The following SUSD3 variants were observed in gnomAD, a reference collection of about 807,000 sequenced individuals.
SUSD3 encodes sushi domain-containing protein 3.
SUSD3 carries 18 observed loss-of-function variants against 20.6 expected under a neutral mutation model. The ratio of observed to expected loss-of-function variants is 0.87; its 90% CI spans 0.60 to 1.30. The LOEUF (loss-of-function observed/expected upper bound fraction) is 1.30, where lower values mean the gene tolerates loss of function less well. Ranked by LOEUF, SUSD3 falls within the 50% of genes most tolerant of loss-of-function variation. SUSD3 has a pLI of 0.00. For missense variants in SUSD3, 306 were observed against 346.9 expected, an observed-to-expected ratio of 0.88 and a Z score of 0.94; for synonymous variants, 137 against 141.5, an observed-to-expected ratio of 0.97 and a Z score of 0.23.
intron 1 of SUSD3, among the ~76,000 whole-genome samples, chr9:93,068,515 T>C (rs1485172595): frequency 2.0e-5 from 3 of 152,256 alleles, no homozygotes; most frequent in African/African-American, 7.2e-5. Context: ...TCAGTTCTAT[T>C]CTGTTGGCCT....
rs1229789043 is a variant in SUSD3, at chr9:93,066,701, A to G, written c.88+7871A>G. ...GATATGTGCTACCATCACTCCAGTC[A>G]ATTTTATTTTATTTTATTTTATTTT... is the stretch of plus-strand genomic sequence containing the variant. On this transcript the variant is annotated intron_variant, in intron 1 of 4. Transcript: ENST00000375472. 2.1e-5 allele frequency among the ~76,000 whole-genome samples: 3 copies of G among 143,170 alleles called. No homozygotes were observed. In the East Asian group the frequency reaches 5.8e-4, roughly 28 times the overall value. 93.9% of individuals were successfully genotyped at this position (143,170 alleles called of 152,430 possible).
chr9:93,080,732 G>A (rs953212522), intron 4 of SUSD3, among the ~76,000 whole-genome samples: 1 of 152,244 alleles, frequency 6.6e-6, no homozygotes, highest in Non-Finnish European at 1.5e-5. Flanking sequence ...AGCGGCCTCT[G>A]ACTTGTGGTC....
intron 1 of SUSD3, 124 bp downstream of exon 1, chr9:93,058,954 C>G (rs1017420585): frequency 7.8e-5 from 41 of 524,304 alleles, no homozygotes; most frequent in Non-Finnish European, 1.0e-4. Flanking sequence ...CGATCTGCCC[C>G]GAGGACGAAC....
intron 4 of SUSD3, 149 bp downstream of exon 4, chr9:93,079,751 A>G (rs1826334370): frequency 1.3e-6 from 1 of 790,776 alleles, no homozygotes. Flanking sequence ...CTCTAAAACA[A>G]GAGGCTGGTG....
At chr9:93,079,849 G>A (rs1253873880) in intron 4 of SUSD3, among the ~76,000 whole-genome samples, 1 of 152,128 alleles carries the variant, frequency 6.6e-6, no homozygotes, top group Non-Finnish European at 1.5e-5. Context: ...CCACCCTCCA[G>A]GGAAGCTGAA....
At chr9:93,067,056 A>G (rs1825746001) in intron 1 of SUSD3, among the ~76,000 whole-genome samples, 1 of 152,166 alleles carries the variant, frequency 6.6e-6, no homozygotes, top group Non-Finnish European at 1.5e-5. Context: ...AGAAGATCCC[A>G]TACCCCTTAG....
chr9:93,068,687 G>A (rs1037286593), intron 1 of SUSD3, among the ~76,000 whole-genome samples: 2 of 152,166 alleles, frequency 1.3e-5, no homozygotes, highest in Non-Finnish European at 2.9e-5. Flanking sequence ...AGATCAGCTT[G>A]TTGATTTCTG....
At position 93,075,916 on chromosome 9, in the gene SUSD3, C is replaced by A; in HGVS notation, c.221C>A (p.Thr74Asn). The change falls in exon 2 of 5, where the codon ACC becomes AAC. Residue 74 changes from threonine (T) to asparagine (N), a missense_variant. By Grantham distance (65) the Thr-to-Asn change is moderately conservative. Transcript: ENST00000375472. ...NHQMVGSGLL[T>N]CTWKGSIAEW... is the part of the protein sequence containing the mutation. ...CAGATGGTGGGGTCTGGGCTCCTCACCTGCACCTGGAAGGGGAGCATCGCT... is the reference window on the plus strand; with the variant it reads ...CAGATGGTGGGGTCTGGGCTCCTCAACTGCACCTGGAAGGGGAGCATCGCT... 6.2e-7 allele frequency: 1 copy of A among 1,613,696 alleles called. No individual in the cohort carries two copies. Among genetic ancestry groups the A allele is most frequent in the Non-Finnish European group, 8.5e-7 (1 of 1,179,730 alleles).
At chr9:93,064,775 C>T (rs530448292) in intron 1 of SUSD3, among the ~76,000 whole-genome samples, 2 of 152,288 alleles carry the variant, frequency 1.3e-5, no homozygotes, top group South Asian at 4.1e-4. Context: ...TTCATCCAGT[C>T]CTCGCCCCAC....
Position 93,058,813 on chromosome 9 carries a change from C to A in SUSD3, c.71C>A (p.Ala24Asp). Residue 24 changes from alanine to aspartate, a missense_variant, in exon 1 of 5, where the codon GCC becomes GAC. Transcript: ENST00000375472. ...PRGRAGVTTP[A>D]PGNRTGTCAK... is the part of the protein sequence containing the mutation. Reference sequence around the variant, plus strand: ...GGGCGGGCCGGGGTCACCACGCCTGCCCCAGGGAACCGCACAGGTGAGGGC... The same window carrying A: ...GGGCGGGCCGGGGTCACCACGCCTGACCCAGGGAACCGCACAGGTGAGGGC... 2 of 1,256,668 alleles carry A rather than the reference C, an allele frequency of 1.6e-6. No individual in the cohort carries two copies. The highest frequency in any genetic ancestry group is 1.0e-6 in the Non-Finnish European group (1 of 1,000,074). The allele number at this position is 1,256,668 out of a possible 1,614,324, so 77.8% of individuals were successfully genotyped here.
intron 1 of SUSD3, among the ~76,000 whole-genome samples, chr9:93,073,452 G>A (rs1024531925): frequency 2.6e-5 from 4 of 152,070 alleles, no homozygotes; most frequent in Admixed American, 6.5e-5. Flanking sequence ...GTTTCACCGT[G>A]TTAGCCAGGA....
At chr9:93,068,482 T>C (rs1410350589) in intron 1 of SUSD3, among the ~76,000 whole-genome samples, 1 of 152,266 alleles carries the variant, frequency 6.6e-6, no homozygotes. Context: ...TGACTATAAA[T>C]GTAAGGGTTT....
intron 1 of SUSD3, among the ~76,000 whole-genome samples, chr9:93,075,327 G>C (rs907116150): frequency 1.7e-4 from 25 of 150,704 alleles, no homozygotes; most frequent in African/African-American, 6.1e-4. Context: ...ACCTGAGTTG[G>C]TTGTTTTCCA....
At position 93,078,133 on chromosome 9, in the gene SUSD3, CG is replaced by C. The variant is rs1441440961; in HGVS notation, c.425+141del. ...TCCTACCACTGCTGCTCTGGGCCTG[CG>C]TCTCCCCCCCAAGTGCTGCTCCCGG... is the stretch of plus-strand genomic sequence containing the variant. On this transcript the variant is annotated intron_variant, in intron 3 of 4. Coordinates refer to ENST00000375472, the MANE Select transcript of SUSD3 (RefSeq NM_145006.4). The C allele has an allele frequency of 2.5e-6, 3 of 1,184,710 alleles. No homozygotes were observed. In the East Asian group the frequency reaches 7.3e-5, roughly 29 times the overall value. 73.4% of individuals were successfully genotyped at this position (1,184,710 alleles called of 1,614,324 possible). A position where few individuals can be genotyped will look rare whatever the true frequency, so the allele number is the denominator to read the frequency against.
Position 93,082,848 on chromosome 9 carries a change from C to T in SUSD3, c.558-1689C>T, listed in dbSNP as rs1441485201. ...GGCAACATGGTGTCCAGGATGATGG[C>T]AGCCACAGCTGCTGCCGCTGCCGCA... On this transcript the variant is annotated intron_variant, in intron 4 of 4. Coordinates refer to ENST00000375472, the MANE Select transcript of SUSD3 (RefSeq NM_145006.4). Among the ~76,000 whole-genome samples the T allele has an allele frequency of 8.5e-5, 13 of 152,320 alleles. No homozygotes were observed. The East Asian group carries it at 2.5e-3, about 29-fold the overall frequency.
chr9:93,075,890 C>T lies in SUSD3; in HGVS notation c.195C>T (p.His65=), dbSNP rs1309962354. ...TCATGTTCCGCTGCCCCTCCAACCA[C>T]CAGATGGTGGGGTCTGGGCTCCTCA... ...TVLMFRCPSN[H]QMVGSGLLTC... is the part of the protein sequence containing the mutation. The change falls in exon 2 of 5, where the codon CAC becomes CAT. Residue 65 remains histidine, a synonymous_variant. Coordinates refer to ENST00000375472, the MANE Select transcript of SUSD3 (RefSeq NM_145006.4). 1 of 1,614,022 alleles carries T rather than the reference C, an allele frequency of 6.2e-7. No homozygotes were observed. Among genetic ancestry groups the T allele is most frequent in the Non-Finnish European group, 8.5e-7 (1 of 1,179,920 alleles).
chr9:93,064,936 G>A lies in SUSD3; in HGVS notation c.88+6106G>A, dbSNP rs185253411. 3.0e-4 allele frequency among the ~76,000 whole-genome samples: 45 copies of A among 152,262 alleles called. No homozygotes were observed. The East Asian group carries it at 5.0e-3, about 17-fold the overall frequency. ...CCTTGAGTGCATGGGAGGCCCTGGC[G>A]GTCACATCCGTCTTGTTTGAGAGAA... is the stretch of plus-strand genomic sequence containing the variant. On this transcript the variant is annotated intron_variant, in intron 1 of 4. Coordinates refer to ENST00000375472, the MANE Select transcript of SUSD3 (RefSeq NM_145006.4).
intron 1 of SUSD3, among the ~76,000 whole-genome samples, chr9:93,062,711 G>A (rs1825556020): frequency 6.6e-6 from 1 of 152,132 alleles, no homozygotes; most frequent in African/African-American, 2.4e-5. Flanking sequence ...AGTGAGGGGT[G>A]GCCCTGGGTC....
At chr9:93,063,872 C>T (rs1230515040) in intron 1 of SUSD3, among the ~76,000 whole-genome samples, 2 of 152,330 alleles carry the variant, frequency 1.3e-5, no homozygotes, top group East Asian at 3.9e-4. Context: ...CCCCCAGCCC[C>T]ACCAGGCACC....
Sources: gnomAD v4.1 joint callset for allele counts (sites outside exome capture counted in the v4.1 genomes callset) on GRCh38, gnomAD v4.1.1 for gene constraint, MANE v1.5 for transcripts, NCBI Gene and HGNC (gene_info 2026-07-23, HGNC 2026-07-21) for gene names.